Variants in SVEP1 observed in about 807,000 individuals in gnomAD.
SVEP1 encodes the protein sushi, von Willebrand factor type A, EGF and pentraxin domain containing 1.
SVEP1 carries 164 observed loss-of-function variants against 367.3 expected under a neutral mutation model. The ratio of observed to expected loss-of-function variants is 0.45; its 90% confidence interval spans 0.39 to 0.51. SVEP1 has a LOEUF of 0.51. Among genes scored for constraint, SVEP1 ranks in the 20% least tolerant of loss-of-function variants. The pLI is 0.00. For missense variants in SVEP1, 4,117 were observed against 4,425.3 expected (o/e 0.93, Z 1.98); for synonymous variants, 1,666 against 1,611.6 (o/e 1.03, Z -0.81).
At chr9:110,388,540 A>G (rs559635934) in intron 41 of SVEP1, among the ~76,000 whole-genome samples, 97 of 152,268 alleles carry the variant, frequency 6.4e-4, no homozygotes, top group Non-Finnish European at 1.1e-3. Context: ...TTCCCCAAAC[A>G]ATTCAAATGT....
chr9:110,416,930 C>G (rs541525400), intron 36 of SVEP1, among the ~76,000 whole-genome samples: 10 of 152,094 alleles, frequency 6.6e-5, no homozygotes, highest in African/African-American at 2.4e-4. Context: ...TAGCATCTTC[C>G]CCCCAGTTGT....
chr9:110,515,186 A>C (rs1829783664), intron 3 of SVEP1, among the ~76,000 whole-genome samples: 1 of 152,238 alleles, frequency 6.6e-6, no homozygotes, highest in South Asian at 2.1e-4. Context: ...GCAATTGTGG[A>C]ATCAAGAGAC....
At chr9:110,516,504 G>A (rs926152856) in intron 3 of SVEP1, among the ~76,000 whole-genome samples, 10 of 149,224 alleles carry the variant, frequency 6.7e-5, no homozygotes, top group Admixed American at 3.4e-4. Flanking sequence ...CTGTATTAGC[G>A]ATATTGAACT....
intron 36 of SVEP1, among the ~76,000 whole-genome samples, chr9:110,416,704 T>TCATCTCATAGCAAA (rs2118522230): frequency 6.6e-6 from 1 of 152,126 alleles, no homozygotes; most frequent in Admixed American, 6.5e-5. Context: ...TACACCATAG[T>TCATCTCATAGCAAA]CATCTCATAG....
chr9:110,546,787 T>G (rs1830226523), intron 2 of SVEP1, among the ~76,000 whole-genome samples: 1 of 152,176 alleles, frequency 6.6e-6, no homozygotes, highest in Non-Finnish European at 1.5e-5. Flanking sequence ...ACTTCTATGG[T>G]ATTTGAGTAG....
intron 27 of SVEP1, among the ~76,000 whole-genome samples, chr9:110,440,967 C>A (rs1262755583): frequency 2.0e-5 from 3 of 152,218 alleles, no homozygotes; most frequent in South Asian, 2.1e-4. Context: ...TTGAGAGACT[C>A]ATTTTAACTC....
intron 9 of SVEP1, among the ~76,000 whole-genome samples, chr9:110,488,765 T>A (rs1237401235): frequency 1.3e-5 from 2 of 151,914 alleles, no homozygotes; most frequent in East Asian, 3.9e-4. Flanking sequence ...TCCCAGCTAT[T>A]TGGAAGGCTA....
At chr9:110,390,736 G>A (rs1318063300) in intron 40 of SVEP1, among the ~76,000 whole-genome samples, 1 of 152,010 alleles carries the variant, frequency 6.6e-6, no homozygotes, top group Non-Finnish European at 1.5e-5. Context: ...GGGTACTGCT[G>A]CCCCAGACTC....
chr9:110,400,759 C>T, intron 40 of SVEP1, 95 bp downstream of exon 40: 1 of 1,331,744 alleles, frequency 7.5e-7, no homozygotes, highest in Non-Finnish European at 1.0e-6. Context: ...CTTTTGAGAC[C>T]AAAGTCAGTA....
At chr9:110,531,609 T>C (rs1452191701) in intron 3 of SVEP1, among the ~76,000 whole-genome samples, 5 of 152,198 alleles carry the variant, frequency 3.3e-5, no homozygotes, top group African/African-American at 1.2e-4. Flanking sequence ...TGCAGAACTG[T>C]GAGTCAATTA....
intron 3 of SVEP1, among the ~76,000 whole-genome samples, chr9:110,528,074 G>A (rs1316640625): frequency 7.4e-6 from 1 of 135,974 alleles, no homozygotes; most frequent in East Asian, 2.1e-4. Flanking sequence ...CATGGTGTAT[G>A]TATATATATA....
Position 110,481,319 on chromosome 9 carries a change from G to A in SVEP1, c.2288C>T (p.Ser763Phe). The A allele has an allele frequency of 6.2e-7, 1 of 1,611,530 alleles. No homozygotes were observed. ...CLEGYDFTEG[S>F]TDKYYCAYED... ...ATAAGCACAATAATACTTGTCAGTA[G>A]ACCCTTCTGTGAAATCATAGCCCTC... The change falls in exon 12 of 48, where the codon TCT (serine) becomes TTT (phenylalanine). Residue 763 changes from serine to phenylalanine, a missense_variant. This residue lies in a region of SVEP1 where 2,174 missense variants were observed against 2,494.3 expected (regional missense o/e 0.87). Transcript: ENST00000374469.
chr9:110,495,000 T>C (rs1829425235), intron 8 of SVEP1, among the ~76,000 whole-genome samples: 1 of 152,190 alleles, frequency 6.6e-6, no homozygotes, highest in African/African-American at 2.4e-5. Context: ...TTCACTCTCC[T>C]TCTCAGAATG....
chr9:110,377,311 A>G lies in SVEP1; in HGVS notation c.10464T>C (p.Cys3488=), dbSNP rs764862167. ...NGGICQRPNA[C]SCPEGWMGRL... is the part of the protein sequence containing the mutation. ...GCCCCATCCAGCCCTCTGGACAGGAACAAGCATTTGGGCGTTGGCAGATGC... is the reference window on the plus strand; with the variant it reads ...GCCCCATCCAGCCCTCTGGACAGGAGCAAGCATTTGGGCGTTGGCAGATGC... Residue 3488 remains cysteine, a synonymous_variant, in exon 45 of 48, where the codon TGT becomes TGC. Transcript: ENST00000374469. The G allele has an allele frequency of 5.0e-6, 8 of 1,613,758 alleles. No individual in the cohort carries two copies. The highest frequency in any genetic ancestry group is 3.3e-5 in the South Asian group (3 of 91,074).
chr9:110,408,603 G>C lies in SVEP1; in HGVS notation c.6997C>G (p.Leu2333Val). 1 of 1,613,700 alleles carries C rather than the reference G, an allele frequency of 6.2e-7. No homozygotes were observed. Among genetic ancestry groups the C allele is most frequent in the African/African-American group, 1.3e-5 (1 of 74,916 alleles). ...CPEPPLLENQ[L>V]VLKELTTEVG... ...TCGGTGGTCAACTCCTTTAATACTA[G>C]CTGGTTTTCCAAGAGGGGCGGCTCT... Residue 2333 changes from leucine to valine, a missense_variant, in exon 38 of 48, where the codon CTA (leucine) becomes GTA (valine). By Grantham distance (32) the Leu-to-Val change is conservative. Around this residue, in one of 4 missense-constraint regions of SVEP1, gnomAD observed 1,765 missense variants for 1,781.1 expected, o/e 0.99. Coordinates refer to ENST00000374469, the MANE Select transcript of SVEP1 (RefSeq NM_153366.4).
chr9:110,576,539 T>C (rs1830629626), intron 1 of SVEP1, among the ~76,000 whole-genome samples: 2 of 151,978 alleles, frequency 1.3e-5, no homozygotes, highest in African/African-American at 2.4e-5. Flanking sequence ...TATTTTATTT[T>C]CTGCAATAAA....
In SVEP1 at chr9:110,411,551, C is replaced by A. The variant is rs1418852077; in HGVS notation, c.6160G>T (p.Ala2054Ser). 6.2e-7 allele frequency: 1 copy of A among 1,614,010 alleles called. No individual in the cohort carries two copies. The highest frequency in any genetic ancestry group is 1.7e-5 in the Admixed American group (1 of 60,012). ...FYYCSDGYSL[A>S]DNSQLLCNAQ... ...TTGCAGAGAAGCTGGGAATTGTCTG[C>A]TAGGCTGTAACCATCAGAGCAGTAG... Residue 2054 changes from alanine to serine, a missense_variant, in exon 37 of 48, where the codon GCA becomes TCA. Coordinates refer to ENST00000374469, the MANE Select transcript of SVEP1 (RefSeq NM_153366.4).
At chr9:110,552,480 T>C (rs1210453454) in intron 1 of SVEP1, among the ~76,000 whole-genome samples, 1 of 152,196 alleles carries the variant, frequency 6.6e-6, no homozygotes, top group Non-Finnish European at 1.5e-5. Flanking sequence ...TTTATTTCTA[T>C]TATTTTTACA....
chr9:110,427,883 C>T (rs755181443), intron 35 of SVEP1, 125 bp from the exon 36 acceptor site: 1 of 1,140,096 alleles, frequency 8.8e-7, no homozygotes, highest in Non-Finnish European at 1.2e-6. Context: ...AATAGCATTT[C>T]TTCATATTAG....
Sources: allele counts gnomAD v4.1 joint callset (sites outside exome capture counted in the v4.1 genomes callset), GRCh38; gene constraint gnomAD v4.1.1; regional missense constraint gnomAD v4.1.1; transcripts MANE v1.5; gene names NCBI Gene and HGNC (gene_info 2026-07-23, HGNC 2026-07-21).